ATP2B1: variants seen among roughly 807,000 people sequenced by gnomAD.
ATP2B1 encodes plasma membrane calcium-transporting ATPase 1.
ATP2B1 carries 14 observed loss-of-function variants against 124.2 expected under a neutral mutation model. The observed-to-expected ratio is 0.11, with a 90% CI of 0.07 to 0.18. ATP2B1 has a LOEUF of 0.18. Ranked by LOEUF, ATP2B1 falls within the 10% of genes least tolerant of loss-of-function variation. ATP2B1 has a pLI of 1.00. For missense variants in ATP2B1, 763 were observed against 1,466.1 expected (o/e 0.52, Z 7.83); for synonymous variants, 449 against 492.4 (o/e 0.91, Z 1.17).
chr12:89,683,950 T>G (rs553196035), intron 1 of ATP2B1, among the ~76,000 whole-genome samples: 1 of 152,244 alleles, frequency 6.6e-6, no homozygotes, highest in Non-Finnish European at 1.5e-5. Flanking sequence ...ACTACTTGAA[T>G]ATCCTAACGT....
chr12:89,681,382 A>ATT (rs1245235858), intron 1 of ATP2B1, among the ~76,000 whole-genome samples: 3 of 148,398 alleles, frequency 2.0e-5, no homozygotes, highest in African/African-American at 5.0e-5. Flanking sequence ...ATCCCTATAA[A>ATT]TTTTTTTTTT....
intron 1 of ATP2B1, among the ~76,000 whole-genome samples, chr12:89,705,833 C>T (rs1174547600): frequency 2.0e-5 from 3 of 152,116 alleles, no homozygotes; most frequent in African/African-American, 7.2e-5. Context: ...TTAATAAAGA[C>T]TTATCTACAG....
Position 89,603,500 on chromosome 12 carries a change from T to C in ATP2B1, c.2848+212A>G. ...ATTAGTGGAGAGCCAGGGTAAGACATCAGGACTGTTTATTCTCCTGTTTAT... is the reference window on the plus strand; with the variant it reads ...ATTAGTGGAGAGCCAGGGTAAGACACCAGGACTGTTTATTCTCCTGTTTAT... On this transcript the variant is annotated intron_variant, in intron 17 of 20. Transcript: ENST00000428670. The surrounding 1 kb of genome is among the most constrained non-coding windows in gnomAD (Gnocchi z 4.3). 3 of 639,420 alleles carry C rather than the reference T, an allele frequency of 4.7e-6. No homozygotes were observed. The highest frequency in any genetic ancestry group is 2.0e-5 in the South Asian group (1 of 49,262). 39.6% of individuals were successfully genotyped at this position (639,420 alleles called of 1,614,324 possible).
chr12:89,617,748 T>C (rs1879240012), intron 11 of ATP2B1, among the ~76,000 whole-genome samples: 1 of 152,190 alleles, frequency 6.6e-6, no homozygotes, highest in African/African-American at 2.4e-5. Flanking sequence ...TTTTCAAAGC[T>C]TTCCATCACT....
At chr12:89,601,232 A>G (rs1875777110) in intron 19 of ATP2B1, 94 bp downstream of exon 19, 1 of 893,798 alleles carries the variant, frequency 1.1e-6, no homozygotes, top group Non-Finnish European at 1.7e-6. Context: ...TTAACCATTT[A>G]GAATCAAGTA....
chr12:89,642,765 C>T (rs1157537149), intron 2 of ATP2B1, among the ~76,000 whole-genome samples: 3 of 152,046 alleles, frequency 2.0e-5, no homozygotes, highest in South Asian at 2.1e-4. Flanking sequence ...CCACCACACC[C>T]GGCTAATTTT....
At chr12:89,690,838 C>A (rs1890477848) in intron 1 of ATP2B1, among the ~76,000 whole-genome samples, 1 of 152,028 alleles carries the variant, frequency 6.6e-6, no homozygotes, top group African/African-American at 2.4e-5. Context: ...GTGAGTGGCA[C>A]AATATTCCCA....
chr12:89,658,282 G>T (rs1886201772), intron 1 of ATP2B1, among the ~76,000 whole-genome samples: 1 of 152,148 alleles, frequency 6.6e-6, no homozygotes, highest in South Asian at 2.1e-4. Context: ...GACGTGAAAT[G>T]ACCTGCCTGA....
At chr12:89,597,197 G>A (rs868633181) in intron 20 of ATP2B1, among the ~76,000 whole-genome samples, 1 of 152,046 alleles carries the variant, frequency 6.6e-6, no homozygotes, top group Non-Finnish European at 1.5e-5. Context: ...AGAGAGAGAG[G>A]CATAGTTTGA....
intron 1 of ATP2B1, among the ~76,000 whole-genome samples, chr12:89,679,720 G>T (rs185294575): frequency 6.6e-6 from 1 of 152,050 alleles, no homozygotes; most frequent in African/African-American, 2.4e-5. Context: ...TATGACAAAA[G>T]AGAAAAGGGG....
intron 1 of ATP2B1, among the ~76,000 whole-genome samples, chr12:89,699,334 T>G (rs1891544718): frequency 6.6e-6 from 1 of 152,332 alleles, no homozygotes; most frequent in Non-Finnish European, 1.5e-5. Flanking sequence ...ATGCCACTTG[T>G]TTAACTGAAA....
intron 3 of ATP2B1, among the ~76,000 whole-genome samples, chr12:89,641,179 A>T (rs1454300907): frequency 6.6e-6 from 1 of 152,230 alleles, no homozygotes; most frequent in Non-Finnish European, 1.5e-5. Flanking sequence ...CAGTTACAGA[A>T]TCTACCAGCA....
At chr12:89,628,608 T>C (rs1881322746) in intron 6 of ATP2B1, among the ~76,000 whole-genome samples, 1 of 152,162 alleles carries the variant, frequency 6.6e-6, no homozygotes, top group Non-Finnish European at 1.5e-5. Flanking sequence ...AAGATGAGCA[T>C]ATCTGAAGCA....
rs546718848 is a variant in ATP2B1, at chr12:89,627,140, C to T, written c.968-525G>A. Among the ~76,000 whole-genome samples, 436 of 152,044 alleles carry T rather than the reference C, an allele frequency of 2.9e-3. 1 individual carries two copies. The highest frequency in any genetic ancestry group is 1.0e-2 in the African/African-American group (414 of 41,478). ...CAATCTACATAAATTTACCCTAATC[C>T]GAAAATCTAAAATACCTCAAAATCT... On this transcript the variant is annotated intron_variant, in intron 7 of 20. Coordinates refer to ENST00000428670, the MANE Select transcript of ATP2B1 (RefSeq NM_001366521.1).
At chr12:89,622,924 G>A (rs1392973138) in intron 9 of ATP2B1, among the ~76,000 whole-genome samples, 1 of 152,104 alleles carries the variant, frequency 6.6e-6, no homozygotes, top group Non-Finnish European at 1.5e-5. Flanking sequence ...TATCATTAAT[G>A]ACTACTCAAA....
rs529801558 is a variant in ATP2B1 at position 89,627,039 on chromosome 12, A to C, written c.968-424T>G. Among the ~76,000 whole-genome samples, 253 of 152,228 alleles carry C rather than the reference A, an allele frequency of 1.7e-3. 1 individual carries two copies. The highest frequency in any genetic ancestry group is 5.8e-3 in the African/African-American group (241 of 41,534). ...AAATGCAGTAACATTTATGCTATAT[A>C]TTTTGTTTCTTATGCATTTTTGCTA... On this transcript the variant is annotated intron_variant, in intron 7 of 20. Transcript: ENST00000428670.
chr12:89,639,298 G>T (rs1883153388), intron 3 of ATP2B1, among the ~76,000 whole-genome samples: 1 of 152,112 alleles, frequency 6.6e-6, no homozygotes, highest in Non-Finnish European at 1.5e-5. Context: ...GAGGTCAGGG[G>T]TTTGAGACCA....
chr12:89,644,707 G>T (rs1276887449), intron 2 of ATP2B1, among the ~76,000 whole-genome samples: 2 of 150,560 alleles, frequency 1.3e-5, no homozygotes, highest in Admixed American at 6.6e-5. Context: ...CCAGCAAAAA[G>T]AAAAAAAAAT....
chr12:89,623,010 A>T (rs1313118630), intron 9 of ATP2B1, among the ~76,000 whole-genome samples: 2 of 152,164 alleles, frequency 1.3e-5, no homozygotes, highest in African/African-American at 4.8e-5. Context: ...ATTTCAAATT[A>T]CTTTAAAATA....
Sources: allele counts gnomAD v4.1 joint callset (sites outside exome capture counted in the v4.1 genomes callset), GRCh38; gene constraint gnomAD v4.1.1; non-coding constraint Gnocchi (gnomAD v3.1); transcripts MANE v1.5; gene names NCBI Gene and HGNC (gene_info 2026-07-23, HGNC 2026-07-21).